The following FSTL5 variants were observed in gnomAD, a reference collection of about 807,000 sequenced individuals.
FSTL5 encodes the protein follistatin like 5.
FSTL5 carries 62 observed loss-of-function variants against 89.1 expected under a neutral mutation model. The ratio of observed to expected loss-of-function variants is 0.70; its 90% CI spans 0.57 to 0.86. FSTL5 has a LOEUF of 0.86. Among genes scored for constraint, FSTL5 ranks in the 40% least tolerant of loss-of-function variants. FSTL5 has a pLI of 0.00. For missense variants in FSTL5, 1,057 were observed against 1,001.6 expected, an observed-to-expected ratio of 1.06 and a Z score of -0.75; for synonymous variants, 383 against 346.2, an observed-to-expected ratio of 1.11 and a Z score of -1.18.
intron 8 of FSTL5, among the ~76,000 whole-genome samples, chr4:161,566,447 T>C (rs1003113038): frequency 2.0e-5 from 3 of 151,942 alleles, no homozygotes; most frequent in East Asian, 1.9e-4. Flanking sequence ...GAAAAAACAA[T>C]TTATTTTCTC....
chr4:161,723,578 G>T (rs1181522567), intron 6 of FSTL5, among the ~76,000 whole-genome samples: 1 of 152,132 alleles, frequency 6.6e-6, no homozygotes, highest in Non-Finnish European at 1.5e-5. Flanking sequence ...TAGGAATTTG[G>T]AGAGAGGAAT....
intron 3 of FSTL5, among the ~76,000 whole-genome samples, chr4:161,978,549 C>T (rs1735729388): frequency 6.6e-6 from 1 of 152,018 alleles, no homozygotes; most frequent in Non-Finnish European, 1.5e-5. Flanking sequence ...AAGCTGCAGA[C>T]GTCATGAACT....
In FSTL5 at chr4:161,662,012, A is replaced by AT. The variant is rs202161930; in HGVS notation, c.728-5519dup. On this transcript the variant is annotated intron_variant, in intron 6 of 15. Coordinates refer to ENST00000306100, the MANE Select transcript of FSTL5 (RefSeq NM_020116.5). ...CCTGGAATTGCACATTCTGTTGAGG[A>AT]TTTTTTTTCATTTTGAAGCGATAAC... 6.1e-3 allele frequency among the ~76,000 whole-genome samples: 931 copies of AT among 152,042 alleles called. 11 individuals carry two copies. Among genetic ancestry groups the AT allele is most frequent in the South Asian group, 0.047 (224 of 4,814 alleles).
intron 1 of FSTL5, among the ~76,000 whole-genome samples, chr4:162,136,351 G>C (rs1021152673): frequency 6.6e-6 from 1 of 152,068 alleles, no homozygotes; most frequent in Admixed American, 6.5e-5. Flanking sequence ...TTGAAGATCA[G>C]TCTGAAGGAT....
rs566614442 is a variant in FSTL5 at position 161,569,131 on chromosome 4, C to T, written c.1015+18324G>A. 9.1e-4 allele frequency among the ~76,000 whole-genome samples: 139 copies of T among 152,280 alleles called. 1 individual carries two copies. The highest frequency in any genetic ancestry group is 3.5e-3 in the South Asian group (17 of 4,820). On this transcript the variant is annotated intron_variant, in intron 8 of 15. Transcript: ENST00000306100. ...TAGTATCTGAGACTACAAAAACATA[C>T]GTGTGCATTACCATGCCTGGATAAT... is the stretch of plus-strand genomic sequence containing the variant.
At chr4:161,508,983 G>T (rs984819162) in intron 11 of FSTL5, among the ~76,000 whole-genome samples, 7 of 152,138 alleles carry the variant, frequency 4.6e-5, no homozygotes, top group African/African-American at 1.7e-4. Context: ...AATGCTCAGA[G>T]AAATCTTGCC....
chr4:161,671,619 T>C (rs549545263), intron 6 of FSTL5, among the ~76,000 whole-genome samples: 11 of 152,258 alleles, frequency 7.2e-5, no homozygotes, highest in African/African-American at 2.6e-4. Flanking sequence ...AAACCTAAGA[T>C]AATTAGAGAG....
intron 6 of FSTL5, among the ~76,000 whole-genome samples, chr4:161,656,754 G>T (rs986630996): frequency 6.6e-6 from 1 of 152,102 alleles, no homozygotes. Context: ...TAATAAGCCT[G>T]GCAGATTGCA....
At chr4:161,905,535 A>G (rs74286424) in intron 4 of FSTL5, among the ~76,000 whole-genome samples, 1 of 37,072 alleles carries the variant, frequency 2.7e-5, no homozygotes, top group Non-Finnish European at 7.8e-5. Flanking sequence ...ATTTGCTTAG[A>G]AAAAAAATTC....
At chr4:161,918,337 C>T (rs1000446835) in intron 4 of FSTL5, among the ~76,000 whole-genome samples, 3 of 151,932 alleles carry the variant, frequency 2.0e-5, no homozygotes, top group African/African-American at 7.3e-5. Context: ...AACAAAAGAC[C>T]CATAATTTCT....
intron 4 of FSTL5, among the ~76,000 whole-genome samples, chr4:161,798,752 A>C (rs537213062): frequency 1.1e-3 from 164 of 151,880 alleles, no homozygotes; most frequent in Middle Eastern, 3.4e-3. Flanking sequence ...TAAAAAAAAA[A>C]TTAACTCTCT....
chr4:162,106,317 C>T (rs953438754), intron 2 of FSTL5, among the ~76,000 whole-genome samples: 2 of 152,022 alleles, frequency 1.3e-5, no homozygotes, highest in African/African-American at 2.4e-5. Context: ...TTAAGTGGTC[C>T]CACTAGGTAT....
chr4:161,582,771 T>C (rs1174869915), intron 8 of FSTL5, among the ~76,000 whole-genome samples: 1 of 152,242 alleles, frequency 6.6e-6, no homozygotes, highest in African/African-American at 2.4e-5. Context: ...CTAGTTAACA[T>C]AATCTTTATA....
intron 4 of FSTL5, among the ~76,000 whole-genome samples, chr4:161,915,597 C>T (rs1416794443): frequency 6.6e-6 from 1 of 152,088 alleles, no homozygotes; most frequent in Admixed American, 6.5e-5. Flanking sequence ...ATGTACCAAA[C>T]ATAAGGGATT....
chr4:161,935,648 A>G (rs17041769), intron 3 of FSTL5, among the ~76,000 whole-genome samples: 1,611 of 152,182 alleles, frequency 0.011, 25 homozygotes, highest in African/African-American at 0.036. Context: ...GCTCGTGGAT[A>G]TCAAATTTTT....
intron 3 of FSTL5, among the ~76,000 whole-genome samples, chr4:161,998,447 C>T (rs1193974565): frequency 6.6e-6 from 1 of 152,116 alleles, no homozygotes; most frequent in East Asian, 1.9e-4. Flanking sequence ...ATCACATTGA[C>T]CAATCTTCCC....
intron 4 of FSTL5, among the ~76,000 whole-genome samples, chr4:161,793,312 C>G (rs1209496298): frequency 6.6e-6 from 1 of 152,206 alleles, no homozygotes; most frequent in East Asian, 1.9e-4. Flanking sequence ...GCAGAACAAG[C>G]CTAGCAGGCC....
At chr4:161,732,639 T>C (rs2126763611) in intron 6 of FSTL5, among the ~76,000 whole-genome samples, 1 of 152,180 alleles carries the variant, frequency 6.6e-6, no homozygotes, top group African/African-American at 2.4e-5. Flanking sequence ...TTAAATTTAG[T>C]TTTATAATTT....
chr4:161,471,994 T>TA (rs397962456), intron 13 of FSTL5, among the ~76,000 whole-genome samples: 9 of 151,432 alleles, frequency 5.9e-5, no homozygotes, highest in African/African-American at 1.9e-4. Flanking sequence ...TTTTTTTTTT[T>TA]GAGACAGAGT....
Sources: allele counts gnomAD v4.1 joint callset (sites outside exome capture counted in the v4.1 genomes callset), GRCh38; gene constraint gnomAD v4.1.1; transcripts MANE v1.5; gene names NCBI Gene and HGNC (gene_info 2026-07-23, HGNC 2026-07-21).